The following TTN variants were observed in gnomAD, a reference collection of about 807,000 sequenced individuals.
TTN encodes the protein titin, also known as connectin.
Under a neutral mutation model 3,223.0 loss-of-function variants are expected in TTN, and 1,525 were observed. The observed-to-expected ratio is 0.47, with a 90% CI of 0.45 to 0.49. TTN has a LOEUF of 0.49. Among genes scored for constraint, TTN ranks in the 20% least tolerant of loss-of-function variants. TTN has a pLI of 0.00. For missense variants in TTN, 40,786 were observed against 43,424.0 expected, an observed-to-expected ratio of 0.94 and a Z score of 5.40; for synonymous variants, 14,094 against 15,161.0, an observed-to-expected ratio of 0.93 and a Z score of 5.17.
rs2049409571 is a variant in TTN at position 178,588,025 on chromosome 2, T to C, written c.63382A>G (p.Lys21128Glu). 3 of 1,612,986 alleles carry C rather than the reference T, an allele frequency of 1.9e-6. No individual in the cohort carries two copies. The highest frequency in any genetic ancestry group is 2.5e-6 in the Non-Finnish European group (3 of 1,179,370). Residue 21128 changes from lysine (K) to glutamate (E), a missense_variant, in exon 305 of 363, where the codon AAG (lysine) becomes GAG (glutamate). By Grantham distance (56) the Lys-to-Glu change is moderately conservative. Coordinates refer to ENST00000589042, the MANE Select transcript of TTN (RefSeq NM_001267550.2). ...TCCAAGCTGGTAACAGTGAATTCCT[T>C]GCGTACAAGCTGTGCTGCAGCATTA... The part of the protein sequence containing the change: ...RCNAAAQLVR[K>E]EFTVTSLDEN...
At position 178,680,242 on chromosome 2, in the gene TTN, GC is replaced by G. The variant is rs779637808; in HGVS notation, c.33418+11del. The G allele has an allele frequency of 2.8e-5, 45 of 1,610,408 alleles. No individual in the cohort carries two copies. The highest frequency in any genetic ancestry group is 5.1e-5 in the Admixed American group (3 of 59,368). On this transcript the variant is annotated intron_variant, in intron 139 of 362. Coordinates refer to ENST00000589042, the MANE Select transcript of TTN (RefSeq NM_001267550.2). Reference sequence around the variant, plus strand: ...AGACGAACAAAACATTAAAATGAGTGCCATTAGGTACCTCTAACAGGTGGTG... The same window carrying G: ...AGACGAACAAAACATTAAAATGAGTGCATTAGGTACCTCTAACAGGTGGTG...
Position 178,567,594 on chromosome 2 carries a change from C to T in TTN, c.78538G>A (p.Gly26180Arg), listed in dbSNP as rs774781891. Residue 26180 changes from glycine to arginine, a missense_variant, in exon 326 of 363, where the codon GGA becomes AGA. Gly to Arg is a moderately radical substitution (Grantham distance 125, BLOSUM62 -2). Coordinates refer to ENST00000589042, the MANE Select transcript of TTN (RefSeq NM_001267550.2). The stretch of plus-strand genomic sequence containing the variant: ...ACCTCATCCTTGGCAGTTATTGGTC[C>T]AGTACTGTCAGAGGGTTTACTTATT... ...GAISKPSDSTGPITAKDEVEL... is the reference protein window; with the variant it reads ...GAISKPSDSTRPITAKDEVEL... 10 of 1,611,128 alleles carry T rather than the reference C, an allele frequency of 6.2e-6. No individual in the cohort carries two copies. The highest frequency in any genetic ancestry group is 3.3e-4 in the Middle Eastern group (2 of 6,076).
In TTN at chr2:178,693,634, G is replaced by C. The variant is rs766691593; in HGVS notation, c.31569C>G (p.Ser10523=). ...CTTTAGGTGGTGGTTCAACCCTTTT[G>C]GAAATGGCAACGTGAATTTTCTCTT... ...VTEEKIHVAI[S]KRVEPPPKVP... Residue 10523 remains serine (S), a synonymous_variant, in exon 119 of 363, where the codon TCC becomes TCG. Coordinates refer to ENST00000589042, the MANE Select transcript of TTN (RefSeq NM_001267550.2). 10 of 1,600,622 alleles carry C rather than the reference G, an allele frequency of 6.2e-6. No homozygotes were observed. The Admixed American group carries it at 1.7e-4, about 27-fold the overall frequency.
At chr2:178,637,298 C>A in intron 224 of TTN, 71 bp downstream of exon 224, 1 of 1,120,460 alleles carries the variant, frequency 8.9e-7, no homozygotes, top group South Asian at 2.1e-5. Flanking sequence ...AAATTTTTTT[C>A]CCCTTGAATA....
At chr2:178,605,351 A>G (rs2054528430) in intron 279 of TTN, 56 bp from the exon 280 acceptor site, 1 of 1,532,978 alleles carries the variant, frequency 6.5e-7, no homozygotes, top group Non-Finnish European at 8.7e-7. Flanking sequence ...GTTTTTTTCA[A>G]CTTATGGGAT....
intron 222 of TTN, 29 bp downstream of exon 222, chr2:178,640,019 C>T (rs1344534487): frequency 6.2e-7 from 1 of 1,609,778 alleles, no homozygotes. Context: ...AAAGAATATG[C>T]TGTTGACATT....
intron 47 of TTN, chr2:178,745,339 TA>T: frequency 7.4e-7 from 1 of 1,352,346 alleles, no homozygotes; most frequent in Non-Finnish European, 9.5e-7. Flanking sequence ...AGGAGAGATT[TA>T]ATTGTGTTTG....
intron 240 of TTN, among the ~76,000 whole-genome samples, chr2:178,625,654 T>C (rs1217131715): frequency 1.3e-5 from 2 of 152,008 alleles, no homozygotes; most frequent in Non-Finnish European, 2.9e-5. Context: ...ACATGTGCCA[T>C]GCTGGTGCCC....
intron 311 of TTN, 100 bp from the exon 312 acceptor site, chr2:178,584,006 C>T: frequency 7.7e-7 from 1 of 1,291,864 alleles, no homozygotes; most frequent in Non-Finnish European, 1.0e-6. Flanking sequence ...ACAAGCTCAA[C>T]AGGAAGACAA....
In TTN at chr2:178,575,572, T is replaced by G. The variant is rs759355651; in HGVS notation, c.70560A>C (p.Pro23520=). 4 of 1,613,590 alleles carry G rather than the reference T, an allele frequency of 2.5e-6. No homozygotes were observed. The Admixed American group carries it at 6.7e-5, about 27-fold the overall frequency. ...CTTTTACGGGCTCTGTAGTTTCTGTTGGCTCACCAATTCCATATTCATTCT... is the reference window on the plus strand; with the variant it reads ...CTTTTACGGGCTCTGTAGTTTCTGTGGGCTCACCAATTCCATATTCATTCT... ...MAENEYGIGE[P]TETTEPVKAS... Residue 23520 remains proline (P), a synonymous_variant, in exon 326 of 363, where the codon CCA becomes CCC. Coordinates refer to ENST00000589042, the MANE Select transcript of TTN (RefSeq NM_001267550.2). The surrounding 1 kb of genome is among the most constrained non-coding windows in gnomAD (Gnocchi z 4.0).
chr2:178,633,740 AG>A (rs2060091041), intron 231 of TTN, 64 bp from the exon 232 acceptor site: 1 of 1,605,050 alleles, frequency 6.2e-7, no homozygotes, highest in Admixed American at 1.7e-5. Flanking sequence ...AAAGAGTAAA[AG>A]GTTGCAAAAT....
chr2:178,619,031 G>T, intron 250 of TTN, 178 bp from the exon 251 acceptor site: 1 of 817,778 alleles, frequency 1.2e-6, no homozygotes, highest in Non-Finnish European at 1.8e-6. Flanking sequence ...TTGTTGTTGT[G>T]CGTGCAAATT....
Position 178,539,505 on chromosome 2 carries a change from A to T in TTN, c.98560T>A (p.Ser32854Thr). 3 of 1,613,734 alleles carry T rather than the reference A, an allele frequency of 1.9e-6. No individual in the cohort carries two copies. Among genetic ancestry groups the T allele is most frequent in the East Asian group, 2.2e-5 (1 of 44,862 alleles). Reference sequence around the variant, plus strand: ...TCTTTGAGGCCTTTTACCACCAGAGATGTACCTCGGACTCTGGAATCAATG... The same window carrying T: ...TCTTTGAGGCCTTTTACCACCAGAGTTGTACCTCGGACTCTGGAATCAATG... ...YTIDSRVRGT[S>T]LVVKGLKENV... is the part of the protein sequence containing the mutation. The change falls in exon 352 of 363, where the codon TCT becomes ACT. Residue 32854 changes from serine (S) to threonine (T), a missense_variant. Physicochemically the swap from Ser to Thr is moderately conservative, Grantham distance 58. Coordinates refer to ENST00000589042, the MANE Select transcript of TTN (RefSeq NM_001267550.2).
rs2078746720 is a variant in TTN, at chr2:178,723,293, A to T, written c.21714T>A (p.Asp7238Glu). 1.2e-6 allele frequency: 2 copies of T among 1,613,074 alleles called. No homozygotes were observed. Among genetic ancestry groups the T allele is most frequent in the Non-Finnish European group, 1.7e-6 (2 of 1,179,454 alleles). Residue 7238 changes from aspartate (D) to glutamate (E), a missense_variant, in exon 75 of 363, where the codon GAT (aspartate) becomes GAA (glutamate). Physicochemically the swap from Asp to Glu is conservative, Grantham distance 45 (BLOSUM62 2). Coordinates refer to ENST00000589042, the MANE Select transcript of TTN (RefSeq NM_001267550.2). Reference sequence around the variant, plus strand: ...TGGACTTCCCTGGTTCTACAGAATGATCACTTAATCTCTTCAAAAATGCAG... The same window carrying T: ...TGGACTTCCCTGGTTCTACAGAATGTTCACTTAATCTCTTCAAAAATGCAG... Reference protein sequence around the residue: ...EPAAFLKRLSDHSVEPGKSII... With the variant: ...EPAAFLKRLSEHSVEPGKSII...
rs1467298954 is a variant in TTN, at chr2:178,780,009, T to C, written c.3720A>G (p.Val1240=). ...AKDTVVVRTY[V]EDQEFHISSF... Reference sequence around the variant, plus strand: ...TTACTTTTATACTCACCTGATCTTCTACATAAGTTCTGACCACTACAGTAT... The same window carrying C: ...TTACTTTTATACTCACCTGATCTTCCACATAAGTTCTGACCACTACAGTAT... Residue 1240 remains valine, a synonymous_variant, in exon 22 of 363, where the codon GTA becomes GTG. Coordinates refer to ENST00000589042, the MANE Select transcript of TTN (RefSeq NM_001267550.2). 1.1e-5 allele frequency: 18 copies of C among 1,612,378 alleles called. No individual in the cohort carries two copies. The highest frequency in any genetic ancestry group is 1.4e-5 in the Non-Finnish European group (17 of 1,179,694).
chr2:178,663,750 A>C, intron 170 of TTN, 40 bp from the exon 171 acceptor site: 1 of 1,612,514 alleles, frequency 6.2e-7, no homozygotes, highest in Non-Finnish European at 8.5e-7. Context: ...GAAGTTATGA[A>C]GACCACTGGA....
chr2:178,551,061 A>G lies in TTN; in HGVS notation c.91470T>C (p.Asp30490=). ...TTGCAATTATTCTGAACTCATAGCG[A>G]TCCCCAGGACTGAGTCCTGTAACTG... ...QYTVTGLSPG[D]RYEFRIIARN... Residue 30490 remains aspartate (D), a synonymous_variant, in exon 336 of 363, where the codon GAT becomes GAC. Transcript: ENST00000589042. The G allele has an allele frequency of 6.2e-7, 1 of 1,613,410 alleles. No homozygotes were observed. Among genetic ancestry groups the G allele is most frequent in the East Asian group, 2.2e-5 (1 of 44,766 alleles).
chr2:178,567,025 A>G lies in TTN; in HGVS notation c.79107T>C (p.Val26369=), dbSNP rs757441770. 1.9e-6 allele frequency: 3 copies of G among 1,613,630 alleles called. No individual in the cohort carries two copies. In the South Asian group the frequency reaches 3.3e-5, roughly 18 times the overall value. Residue 26369 remains valine (V), a synonymous_variant, in exon 326 of 363, where the codon GTT becomes GTC. Coordinates refer to ENST00000589042, the MANE Select transcript of TTN (RefSeq NM_001267550.2). ...CTGGTGCAGATTCCAAAGGCTCTCC[A>G]ACACCATATTTGTTGACAGCCATTA... ...FRIMAVNKYG[V]GEPLESAPVL... is the part of the protein sequence containing the mutation.
At chr2:178,612,626 T>TAGTC in intron 265 of TTN, 50 bp from the exon 266 acceptor site, 1 of 1,566,688 alleles carries the variant, frequency 6.4e-7, no homozygotes. Context: ...TATTACCCAA[T>TAGTC]AGTCAGTCTG....
Sources: gnomAD v4.1 joint callset for allele counts (sites outside exome capture counted in the v4.1 genomes callset) on GRCh38, gnomAD v4.1.1 for gene constraint, Gnocchi (gnomAD v3.1) non-coding constraint, MANE v1.5 for transcripts, NCBI Gene and HGNC (gene_info 2026-07-23, HGNC 2026-07-21) for gene names.